JAKMIP1: variants seen among roughly 807,000 people sequenced by gnomAD.
JAKMIP1 encodes janus kinase and microtubule-interacting protein 1.
Under a neutral mutation model 113.0 loss-of-function variants are expected in JAKMIP1, and 33 were observed. The observed-to-expected ratio is 0.29, with a 90% confidence interval of 0.22 to 0.39. The LOEUF is 0.39. Among genes scored for constraint, JAKMIP1 ranks in the 10% least tolerant of loss-of-function variants. The pLI is 1.00. For synonymous variants in JAKMIP1, 480 were observed against 459.9 expected, an observed-to-expected ratio of 1.04 and a Z score of -0.56; for missense variants, 813 against 1,080.5, an observed-to-expected ratio of 0.75 and a Z score of 3.47.
chr4:6,104,281 G>A (rs971703046), intron 3 of JAKMIP1, among the ~76,000 whole-genome samples: 5 of 152,208 alleles, frequency 3.3e-5, no homozygotes, highest in Non-Finnish European at 7.3e-5. Context: ...ACTGTTTGCT[G>A]AGAGAAGCGT....
intron 2 of JAKMIP1, among the ~76,000 whole-genome samples, chr4:6,111,981 T>G (rs1189723966): frequency 6.6e-6 from 1 of 152,200 alleles, no homozygotes; most frequent in African/African-American, 2.4e-5. Context: ...CCAAGGGTCT[T>G]CCAAAGTTAA....
rs1311595007 is a variant in JAKMIP1 at position 6,106,786 on chromosome 4, C to CACTCAACACACATTCCACAGGAAA, written c.130-820_130-819insTTTCCTGTGGAATGTGTGTTGAGT. Among the ~76,000 whole-genome samples the CACTCAACACACATTCCACAGGAAA allele has an allele frequency of 7.2e-5, 11 of 152,156 alleles. No homozygotes were observed. Among genetic ancestry groups the CACTCAACACACATTCCACAGGAAA allele is most frequent in the African/African-American group, 2.7e-4 (11 of 41,428 alleles). On this transcript the variant is annotated intron_variant, in intron 2 of 20. Coordinates refer to ENST00000409021, the MANE Select transcript of JAKMIP1 (RefSeq NM_001099433.2). The surrounding 1 kb of genome is among the most constrained non-coding windows in gnomAD (Gnocchi z 5.9). ...TCTTTAACCTTTTTGTTTCAAATAT[C>CACTCAACACACATTCCACAGGAAA]ACTCAACACACATTCCACAGGAACG...
chr4:6,036,419 A>G (rs573169354), intron 18 of JAKMIP1, among the ~76,000 whole-genome samples: 1 of 152,250 alleles, frequency 6.6e-6, no homozygotes, highest in African/African-American at 2.4e-5. Flanking sequence ...CAGAGGTGCA[A>G]TTCACCTGGG....
At chr4:6,182,734 A>G (rs1726186320) in intron 1 of JAKMIP1, among the ~76,000 whole-genome samples, 1 of 152,258 alleles carries the variant, frequency 6.6e-6, no homozygotes, top group South Asian at 2.1e-4. Context: ...GTGTGATGAC[A>G]AGGAGTCTGT....
intron 1 of JAKMIP1, among the ~76,000 whole-genome samples, chr4:6,144,468 CA>C (rs1334229837): frequency 6.6e-6 from 1 of 152,096 alleles, no homozygotes; most frequent in East Asian, 1.9e-4. Flanking sequence ...AATATAGATG[CA>C]AAAATTCACA....
rs922071312 is a variant in JAKMIP1, at chr4:6,140,042, G to A, written c.-147-27045C>T. On this transcript the variant is annotated intron_variant, in intron 1 of 20. Coordinates refer to ENST00000409021, the MANE Select transcript of JAKMIP1 (RefSeq NM_001099433.2). The surrounding 1 kb of genome is among the most constrained non-coding windows in gnomAD (Gnocchi z 9.4). The stretch of plus-strand genomic sequence containing the variant: ...CTAAGAGACCATCCGTTTGTCTTGT[G>A]TATTCCATGGTACAGCGGCCCTAGG... 6.6e-6 allele frequency among the ~76,000 whole-genome samples: 1 copy of A among 152,060 alleles called. No homozygotes were observed. Among genetic ancestry groups the A allele is most frequent in the African/African-American group, 2.4e-5 (1 of 41,366 alleles).
Position 6,188,804 on chromosome 4 carries a change from C to T in JAKMIP1, c.-148+11449G>A, listed in dbSNP as rs1578509239. ...CGGGGCTCTGCAATACACAGGCTCT[C>T]ACAGACTTGGTTCATCCTGGGTGCC... On this transcript the variant is annotated intron_variant, in intron 1 of 20. Coordinates refer to ENST00000409021, the MANE Select transcript of JAKMIP1 (RefSeq NM_001099433.2). This position sits in a 1 kb window ranked among gnomAD's most constrained non-coding sequence, Gnocchi z 5.8. Among the ~76,000 whole-genome samples, 3 of 152,192 alleles carry T rather than the reference C, an allele frequency of 2.0e-5. No homozygotes were observed. Among genetic ancestry groups the T allele is most frequent in the African/African-American group, 7.2e-5 (3 of 41,440 alleles).
chr4:6,105,360 A>G, intron 3 of JAKMIP1, 113 bp downstream of exon 3: 2 of 1,142,758 alleles, frequency 1.8e-6, no homozygotes, highest in Non-Finnish European at 2.4e-6. Flanking sequence ...CTGGGGCCCC[A>G]GTGCTTTGAA....
rs1274291590 is a variant in JAKMIP1 at position 6,060,435 on chromosome 4, C to T, written c.1633G>A (p.Glu545Lys). Residue 545 changes from glutamate (E) to lysine (K), a missense_variant, in exon 11 of 21, where the codon GAG becomes AAG. Glu to Lys is a moderately conservative substitution (Grantham distance 56, BLOSUM62 1). This residue lies in a region of JAKMIP1 where 273 missense variants were observed against 426.6 expected (regional missense o/e 0.64). Transcript: ENST00000409021. ...TCACTCCTGCTCACCTGTCCCTTCT[C>T]AACCAGTAACTTCTCCAAATCTTCG... ...KIEDLEKLLV[E>K]KGQDSKWVEE... 1.2e-6 allele frequency: 2 copies of T among 1,613,320 alleles called. No individual in the cohort carries two copies. Among genetic ancestry groups the T allele is most frequent in the East Asian group, 2.2e-5 (1 of 44,864 alleles).
chr4:6,195,717 G>A (rs914050019), intron 1 of JAKMIP1, among the ~76,000 whole-genome samples: 5 of 152,198 alleles, frequency 3.3e-5, no homozygotes, highest in East Asian at 1.9e-4. Context: ...GCAGGTGTGC[G>A]CCTCCCTCTG....
intron 19 of JAKMIP1, 121 bp downstream of exon 19, chr4:6,035,783 T>C (rs1359470516): frequency 3.5e-6 from 3 of 855,470 alleles, no homozygotes; most frequent in Non-Finnish European, 5.2e-6. Context: ...GGAAACTTGC[T>C]TTACCACCAA....
At chr4:6,032,341 C>T (rs1469250162) in intron 19 of JAKMIP1, among the ~76,000 whole-genome samples, 1 of 152,182 alleles carries the variant, frequency 6.6e-6, no homozygotes, top group Non-Finnish European at 1.5e-5. Flanking sequence ...GCTTAGGAAA[C>T]AGTCTCTCAT....
Position 6,199,392 on chromosome 4 carries a change from C to A in JAKMIP1, c.-148+861G>T, listed in dbSNP as rs1006850660. ...GCTGCCCAGGCCGGATGCTCAGGAG[C>A]CCACAGCAGGGGGGATGGAGCGAAG... On this transcript the variant is annotated intron_variant, in intron 1 of 20. Coordinates refer to ENST00000409021, the MANE Select transcript of JAKMIP1 (RefSeq NM_001099433.2). This position sits in a 1 kb window ranked among gnomAD's most constrained non-coding sequence, Gnocchi z 5.6. 3.3e-5 allele frequency among the ~76,000 whole-genome samples: 5 copies of A among 152,128 alleles called. No individual in the cohort carries two copies. The highest frequency in any genetic ancestry group is 7.2e-5 in the African/African-American group (3 of 41,440).
At chr4:6,079,416 A>C (rs1248748299) in intron 7 of JAKMIP1, among the ~76,000 whole-genome samples, 1 of 152,052 alleles carries the variant, frequency 6.6e-6, no homozygotes, top group African/African-American at 2.4e-5. Flanking sequence ...GTAGAGGGAG[A>C]TGGAGGCAGG....
At position 6,067,394 on chromosome 4, in the gene JAKMIP1, C is replaced by T. The variant is rs1348532178; in HGVS notation, c.1303-2386G>A. Among the ~76,000 whole-genome samples the T allele has an allele frequency of 6.6e-6, 1 of 152,172 alleles. No individual in the cohort carries two copies. The highest frequency in any genetic ancestry group is 2.4e-5 in the African/African-American group (1 of 41,418). ...TTGGCAGGTACGTGAAGACTATGGGCACCATCAACTTCAATGTCATTTCTC... is the reference window on the plus strand; with the variant it reads ...TTGGCAGGTACGTGAAGACTATGGGTACCATCAACTTCAATGTCATTTCTC... On this transcript the variant is annotated intron_variant, in intron 8 of 20. Transcript: ENST00000409021. The surrounding 1 kb of genome is among the most constrained non-coding windows in gnomAD (Gnocchi z 4.6).
intron 3 of JAKMIP1, among the ~76,000 whole-genome samples, chr4:6,099,994 C>G (rs1001951630): frequency 6.6e-6 from 1 of 152,170 alleles, no homozygotes; most frequent in Non-Finnish European, 1.5e-5. Context: ...AGTGTTGTTT[C>G]ATTGTGTGCT....
Position 6,059,827 on chromosome 4 carries a change from C to T in JAKMIP1, c.1644+597G>A, listed in dbSNP as rs945490122. Among the ~76,000 whole-genome samples, 3 of 152,152 alleles carry T rather than the reference C, an allele frequency of 2.0e-5. No individual in the cohort carries two copies. The highest frequency in any genetic ancestry group is 6.5e-5 in the Admixed American group (1 of 15,278). On this transcript the variant is annotated intron_variant, in intron 11 of 20. Transcript: ENST00000409021. The surrounding 1 kb of genome is among the most constrained non-coding windows in gnomAD (Gnocchi z 4.8). ...CCATACGAACCTTCGCATGCCACCCCGAGAGGCCAGATTTCCACCCAGAGC... is the reference window on the plus strand; with the variant it reads ...CCATACGAACCTTCGCATGCCACCCTGAGAGGCCAGATTTCCACCCAGAGC...
intron 3 of JAKMIP1, among the ~76,000 whole-genome samples, chr4:6,098,774 A>G (rs1045552460): frequency 2.6e-5 from 4 of 151,992 alleles, no homozygotes; most frequent in African/African-American, 9.7e-5. Flanking sequence ...AAGAAAAGAA[A>G]GAAAGAAAGA....
At position 6,081,720 on chromosome 4, in the gene JAKMIP1, C is replaced by T. The variant is rs1720574759; in HGVS notation, c.990G>A (p.Lys330=). The T allele has an allele frequency of 6.2e-7, 1 of 1,614,092 alleles. No individual in the cohort carries two copies. The highest frequency in any genetic ancestry group is 1.7e-5 in the Admixed American group (1 of 60,010). The change falls in exon 6 of 21, where the codon AAG becomes AAA. Residue 330 remains lysine (K), a synonymous_variant. Coordinates refer to ENST00000409021, the MANE Select transcript of JAKMIP1 (RefSeq NM_001099433.2). This position sits in a 1 kb window ranked among gnomAD's most constrained non-coding sequence, Gnocchi z 4.6. The stretch of plus-strand genomic sequence containing the variant: ...TCCGCTTGTTCTTCTCCACCAGGGG[C>T]TTCAGCTGAACCTCGGTCTCTCGTG... ...KRSRETEVQL[K]PLVEKNKRMN...
Sources: allele counts gnomAD v4.1 joint callset (sites outside exome capture counted in the v4.1 genomes callset), GRCh38; gene constraint gnomAD v4.1.1; regional missense constraint gnomAD v4.1.1; non-coding constraint Gnocchi (gnomAD v3.1); transcripts MANE v1.5; gene names NCBI Gene and HGNC (gene_info 2026-07-23, HGNC 2026-07-21).